PTPRG: variants seen among roughly 807,000 people sequenced by gnomAD.
The protein encoded by PTPRG is receptor-type tyrosine-protein phosphatase gamma.
Under a neutral mutation model 165.3 loss-of-function variants are expected in PTPRG, and 102 were observed. That is an observed-to-expected ratio of 0.62 (90% CI 0.53 to 0.73). PTPRG has a LOEUF of 0.73. Ranked by LOEUF, PTPRG falls within the 30% of genes least tolerant of loss-of-function variation. The pLI, the probability that PTPRG is intolerant of heterozygous loss-of-function variation, is 0.00. For missense variants in PTPRG, 1,866 were observed against 1,861.4 expected (o/e 1.00, Z -0.05); for synonymous variants, 675 against 669.5 (o/e 1.01, Z -0.13).
chr3:61,691,951 G>A (rs1420919914), intron 1 of PTPRG, among the ~76,000 whole-genome samples: 2 of 152,166 alleles, frequency 1.3e-5, no homozygotes, highest in African/African-American at 4.8e-5. Flanking sequence ...CACACGGGTC[G>A]AAGACAAATA....
At position 61,614,196 on chromosome 3, in the gene PTPRG, C is replaced by G. The variant is rs570218115; in HGVS notation, c.85+51824C>G. Among the ~76,000 whole-genome samples the G allele has an allele frequency of 2.0e-5, 3 of 152,278 alleles. No homozygotes were observed. In the South Asian group the frequency reaches 6.2e-4, roughly 32 times the overall value. On this transcript the variant is annotated intron_variant, in intron 1 of 29. Coordinates refer to ENST00000474889, the MANE Select transcript of PTPRG (RefSeq NM_002841.4). ...AGCCTTCATGGCTGGGATGGTTCAG[C>G]AGGCCTGGCTCCATTGTGCCTCCCC... is the stretch of plus-strand genomic sequence containing the variant.
At position 61,892,770 on chromosome 3, in the gene PTPRG, C is replaced by G. The variant is rs146225552; in HGVS notation, c.191-96855C>G. ...GGGGGAGGTTGCAGTGAGCCGAGATCGTGTCATTGCGCTCCAGCCTGAGCA... is the reference window on the plus strand; with the variant it reads ...GGGGGAGGTTGCAGTGAGCCGAGATGGTGTCATTGCGCTCCAGCCTGAGCA... On this transcript the variant is annotated intron_variant, in intron 2 of 29. Transcript: ENST00000474889. Among the ~76,000 whole-genome samples the G allele has an allele frequency of 9.1e-3, 1,373 of 150,892 alleles. 25 individuals are homozygous for G. The highest frequency in any genetic ancestry group is 7.9e-3 in the Non-Finnish European group (533 of 67,840).
intron 4 of PTPRG, among the ~76,000 whole-genome samples, chr3:62,077,304 C>T (rs2106750234): frequency 6.6e-6 from 1 of 151,464 alleles, no homozygotes; most frequent in Admixed American, 6.6e-5. Context: ...AACCATAATG[C>T]TAGCCAAATG....
intron 2 of PTPRG, among the ~76,000 whole-genome samples, chr3:61,902,447 T>G (rs916778978): frequency 6.6e-6 from 1 of 152,172 alleles, no homozygotes; most frequent in African/African-American, 2.4e-5. Context: ...TGTATTAAGA[T>G]TCATCAAATG....
chr3:62,043,328 C>T (rs578190603), intron 4 of PTPRG, among the ~76,000 whole-genome samples: 2 of 152,306 alleles, frequency 1.3e-5, no homozygotes, highest in African/African-American at 4.8e-5. Flanking sequence ...CAGCTGCACA[C>T]ATCAAGACTT....
intron 1 of PTPRG, among the ~76,000 whole-genome samples, chr3:61,566,784 T>C (rs1194177842): frequency 6.6e-6 from 1 of 152,206 alleles, no homozygotes; most frequent in Non-Finnish European, 1.5e-5. Context: ...TGGGATTACA[T>C]TGCTACTGGG....
Position 62,228,480 on chromosome 3 carries a change from C to T in PTPRG, c.2289-2745C>T, listed in dbSNP as rs1700816438. On this transcript the variant is annotated intron_variant, in intron 13 of 29. Coordinates refer to ENST00000474889, the MANE Select transcript of PTPRG (RefSeq NM_002841.4). This position sits in a 1 kb window ranked among gnomAD's most constrained non-coding sequence, Gnocchi z 4.1. ...AGTAGGTGGAGATCACGCCATTGCACTCCAGCCTGGGCAACAGAGCAAAAC... is the reference window on the plus strand; with the variant it reads ...AGTAGGTGGAGATCACGCCATTGCATTCCAGCCTGGGCAACAGAGCAAAAC... 6.6e-6 allele frequency among the ~76,000 whole-genome samples: 1 copy of T among 150,418 alleles called. No individual in the cohort carries two copies. The highest frequency in any genetic ancestry group is 2.5e-5 in the African/African-American group (1 of 40,734).
chr3:61,604,810 A>G (rs1467813522), intron 1 of PTPRG, among the ~76,000 whole-genome samples: 2 of 152,094 alleles, frequency 1.3e-5, no homozygotes, highest in Non-Finnish European at 2.9e-5. Flanking sequence ...GCAAAGTAGG[A>G]GAGAAGGAGT....
At chr3:62,013,182 T>G (rs1043945616) in intron 4 of PTPRG, among the ~76,000 whole-genome samples, 13 of 152,196 alleles carry the variant, frequency 8.5e-5, no homozygotes, top group Admixed American at 7.9e-4. Flanking sequence ...AAAATATTGT[T>G]TTAACATAAA....
chr3:61,891,836 T>C (rs956026033), intron 2 of PTPRG, among the ~76,000 whole-genome samples: 1 of 152,212 alleles, frequency 6.6e-6, no homozygotes, highest in African/African-American at 2.4e-5. Context: ...TTCACCTACT[T>C]TTGTGTTGTT....
chr3:61,652,105 C>T (rs926251696), intron 1 of PTPRG, among the ~76,000 whole-genome samples: 3 of 151,130 alleles, frequency 2.0e-5, no homozygotes, highest in South Asian at 2.1e-4. Context: ...ATCAGGAGTT[C>T]AAGACCAGCC....
intron 2 of PTPRG, among the ~76,000 whole-genome samples, chr3:61,903,593 G>A (rs974950541): frequency 3.3e-5 from 5 of 152,038 alleles, no homozygotes; most frequent in African/African-American, 9.7e-5. Flanking sequence ...AGGCTGGTCT[G>A]GAACTCCTGA....
intron 2 of PTPRG, among the ~76,000 whole-genome samples, chr3:61,907,883 T>G (rs1267199866): frequency 6.6e-6 from 1 of 151,876 alleles, no homozygotes; most frequent in Admixed American, 6.6e-5. Flanking sequence ...CCCAGCACTT[T>G]GGAGGCCATG....
chr3:61,600,013 AG>A (rs2106843411), intron 1 of PTPRG, among the ~76,000 whole-genome samples: 1 of 151,914 alleles, frequency 6.6e-6, no homozygotes, highest in East Asian at 2.0e-4. Flanking sequence ...TACAAAAATT[AG>A]CCAGGTGTGG....
intron 9 of PTPRG, among the ~76,000 whole-genome samples, chr3:62,192,818 C>T (rs1699870725): frequency 2.0e-5 from 3 of 152,210 alleles, no homozygotes; most frequent in East Asian, 3.9e-4. Flanking sequence ...TAATGAAACC[C>T]GTAATTGTAT....
chr3:62,157,771 C>T (rs1360426480), intron 7 of PTPRG, among the ~76,000 whole-genome samples: 1 of 152,164 alleles, frequency 6.6e-6, no homozygotes, highest in Non-Finnish European at 1.5e-5. Flanking sequence ...TAAGCCTACC[C>T]ACAGTTCAGA....
rs985933832 is a variant in PTPRG, at chr3:62,213,456, C to T, written c.2156-5395C>T. Among the ~76,000 whole-genome samples, 3 of 152,150 alleles carry T rather than the reference C, an allele frequency of 2.0e-5. No homozygotes were observed. The highest frequency in any genetic ancestry group is 7.2e-5 in the African/African-American group (3 of 41,426). On this transcript the variant is annotated intron_variant, in intron 12 of 29. Transcript: ENST00000474889. The surrounding 1 kb of genome is among the most constrained non-coding windows in gnomAD (Gnocchi z 4.4). ...CATTTGGTCCTATAAGTTACATAGC[C>T]ATAACTTACATAGTCTGTTTTCACA... is the stretch of plus-strand genomic sequence containing the variant.
At chr3:62,204,100 G>C in intron 12 of PTPRG, 150 bp downstream of exon 12, 2 of 1,318,742 alleles carry the variant, frequency 1.5e-6, no homozygotes, top group Non-Finnish European at 1.0e-6. Context: ...GCACACATGT[G>C]AAATGTGTAT....
chr3:62,078,470 T>C (rs1483968362), intron 5 of PTPRG, among the ~76,000 whole-genome samples: 1 of 152,216 alleles, frequency 6.6e-6, no homozygotes, highest in African/African-American at 2.4e-5. Context: ...TCTGATTTTA[T>C]TGCTACTTGA....
Sources: gnomAD v4.1 joint callset for allele counts (sites outside exome capture counted in the v4.1 genomes callset) on GRCh38, gnomAD v4.1.1 for gene constraint, Gnocchi (gnomAD v3.1) non-coding constraint, MANE v1.5 for transcripts, NCBI Gene and HGNC (gene_info 2026-07-23, HGNC 2026-07-21) for gene names.